PACRG: variants seen among roughly 807,000 people sequenced by gnomAD.
PACRG encodes parkin coregulated.
A neutral mutation model predicts 29.7 loss-of-function variants in PACRG; 29 were observed. The observed-to-expected ratio is 0.98, with a 90% confidence interval of 0.73 to 1.33. PACRG has a LOEUF of 1.33. Among genes scored for constraint, PACRG ranks in the 40% most tolerant of loss-of-function variants. PACRG has a pLI of 0.00. For missense variants in PACRG, 279 were observed against 316.2 expected (o/e 0.88, Z 0.89); for synonymous variants, 116 against 118.7 (o/e 0.98, Z 0.15).
intron 2 of PACRG, among the ~76,000 whole-genome samples, chr6:162,946,618 T>A (rs1328593799): frequency 6.6e-6 from 1 of 151,928 alleles, no homozygotes; most frequent in African/African-American, 2.4e-5. Flanking sequence ...AGGAGAGAAT[T>A]CTCATTAACT....
At chr6:162,901,601 G>T (rs1044750652) in intron 2 of PACRG, among the ~76,000 whole-genome samples, 16 of 152,264 alleles carry the variant, frequency 1.1e-4, no homozygotes, top group African/African-American at 3.8e-4. Context: ...ATGAGATAGA[G>T]ATCAACAACC....
At chr6:163,155,231 G>T (rs765929098) in intron 4 of PACRG, among the ~76,000 whole-genome samples, 2 of 152,172 alleles carry the variant, frequency 1.3e-5, no homozygotes, top group Admixed American at 1.3e-4. Flanking sequence ...CCAAAGATAC[G>T]TATGCTTCCT....
At chr6:162,849,760 A>G (rs2128423384) in intron 2 of PACRG, among the ~76,000 whole-genome samples, 1 of 152,348 alleles carries the variant, frequency 6.6e-6, no homozygotes, top group South Asian at 2.1e-4. Context: ...CGATTTTTGA[A>G]ATATCTAAAT....
chr6:163,174,331 A>T (rs755599976), intron 4 of PACRG, among the ~76,000 whole-genome samples: 6 of 152,270 alleles, frequency 3.9e-5, no homozygotes, highest in Non-Finnish European at 7.3e-5. Context: ...TGTGGGTTGG[A>T]CAAGCTTGCT....
intron 4 of PACRG, among the ~76,000 whole-genome samples, chr6:163,127,868 G>A (rs1816580388): frequency 6.6e-6 from 1 of 152,114 alleles, no homozygotes; most frequent in Admixed American, 6.5e-5. Context: ...AGATCCAGTG[G>A]AAATATTATA....
intron 4 of PACRG, among the ~76,000 whole-genome samples, chr6:163,302,014 C>G (rs1562367970): frequency 6.6e-6 from 1 of 152,140 alleles, no homozygotes; most frequent in Admixed American, 6.5e-5. Context: ...AGGGGAAAGC[C>G]ATCGGGTACA....
intron 4 of PACRG, among the ~76,000 whole-genome samples, chr6:163,280,851 A>G (rs1419903076): frequency 1.3e-5 from 2 of 152,168 alleles, no homozygotes; most frequent in Non-Finnish European, 1.5e-5. Context: ...CTCCAGATAC[A>G]GCCACACTGG....
intron 2 of PACRG, among the ~76,000 whole-genome samples, chr6:162,857,164 GC>G (rs1199970331): frequency 6.6e-6 from 1 of 152,150 alleles, no homozygotes. Flanking sequence ...AATAGCAAAG[GC>G]CCCCATCTTG....
chr6:163,137,824 C>T (rs1347556096), intron 4 of PACRG, among the ~76,000 whole-genome samples: 3 of 152,242 alleles, frequency 2.0e-5, no homozygotes, highest in Non-Finnish European at 4.4e-5. Flanking sequence ...CACAGCCCGG[C>T]CTGGCGCCAC....
Position 163,062,247 on chromosome 6 carries a change from G to A in PACRG, c.389G>A (p.Gly130Glu), listed in dbSNP as rs374040289. ...TFPYEFFARQ[G>E]IHDMLEHGGN... Reference sequence around the variant, plus strand: ...CCCTATGAGTTTTTTGCTCGGCAAGGAATCCACGACATGCTGGAACACGGT... The same window carrying A: ...CCCTATGAGTTTTTTGCTCGGCAAGAAATCCACGACATGCTGGAACACGGT... The change falls in exon 3 of 5, where the codon GGA (glycine) becomes GAA (glutamate). Residue 130 changes from glycine (G) to glutamate (E), a missense_variant. Gly to Glu is a moderately conservative substitution (Grantham distance 98, BLOSUM62 -2). Transcript: ENST00000366888. 1 of 1,614,098 alleles carries A rather than the reference G, an allele frequency of 6.2e-7. No homozygotes were observed. The highest frequency in any genetic ancestry group is 8.5e-7 in the Non-Finnish European group (1 of 1,180,022).
chr6:163,230,785 G>C, intron 4 of PACRG, among the ~76,000 whole-genome samples: 1 of 62,878 alleles, frequency 1.6e-5, no homozygotes, highest in East Asian at 5.4e-4. Flanking sequence ...CAGAGTTAGG[G>C]AGGGAAAAAC....
chr6:163,162,121 TG>T (rs1778580882), intron 4 of PACRG, among the ~76,000 whole-genome samples: 1 of 152,088 alleles, frequency 6.6e-6, no homozygotes, highest in African/African-American at 2.4e-5. Context: ...TGGACTCTGC[TG>T]GAGGAAAAAC....
At chr6:162,774,763 G>A (rs1007106379) in intron 1 of PACRG, among the ~76,000 whole-genome samples, 1 of 151,782 alleles carries the variant, frequency 6.6e-6, no homozygotes, top group Non-Finnish European at 1.5e-5. Context: ...TTAGTTAGTG[G>A]GAATTAATCA....
At chr6:162,803,302 A>T (rs1338840988) in intron 1 of PACRG, among the ~76,000 whole-genome samples, 1 of 152,190 alleles carries the variant, frequency 6.6e-6, no homozygotes, top group Non-Finnish European at 1.5e-5. Flanking sequence ...GATATATTTG[A>T]GACTGCCAGC....
intron 2 of PACRG, among the ~76,000 whole-genome samples, chr6:162,829,617 G>C (rs533990510): frequency 6.6e-6 from 1 of 152,134 alleles, no homozygotes; most frequent in Non-Finnish European, 1.5e-5. Flanking sequence ...TGGTGGGACC[G>C]TAAGATTATA....
intron 2 of PACRG, among the ~76,000 whole-genome samples, chr6:162,972,659 G>T (rs752628579): frequency 3.3e-5 from 5 of 152,156 alleles, no homozygotes; most frequent in Non-Finnish European, 7.3e-5. Flanking sequence ...TGAAGTGAAA[G>T]CATGAGTCTC....
rs150751237 is a variant in PACRG at position 163,031,017 on chromosome 6, A to G, written c.292-31133A>G. 1.7e-3 allele frequency among the ~76,000 whole-genome samples: 253 copies of G among 152,286 alleles called. 1 individual carries two copies. The highest frequency in any genetic ancestry group is 5.6e-3 in the African/African-American group (233 of 41,552). On this transcript the variant is annotated intron_variant, in intron 2 of 4. Coordinates refer to ENST00000366888, the MANE Select transcript of PACRG (RefSeq NM_001080379.2). ...AGCTTCTTCAAGCTGAATAGGCGCAATGATATTCCTGCCTAACTTCTAGGG... is the reference window on the plus strand; with the variant it reads ...AGCTTCTTCAAGCTGAATAGGCGCAGTGATATTCCTGCCTAACTTCTAGGG...
At chr6:162,740,088 CTT>C (rs1780461658) in intron 1 of PACRG, among the ~76,000 whole-genome samples, 1 of 152,030 alleles carries the variant, frequency 6.6e-6, no homozygotes, top group African/African-American at 2.4e-5. Context: ...CCATTAGTCT[CTT>C]TGTCTGTCTC....
At chr6:163,227,324 G>C (rs1031084252) in intron 4 of PACRG, among the ~76,000 whole-genome samples, 1 of 152,118 alleles carries the variant, frequency 6.6e-6, no homozygotes. Flanking sequence ...GACCTCACCA[G>C]TACTCACTCA....
Sources: allele counts gnomAD v4.1 joint callset (sites outside exome capture counted in the v4.1 genomes callset), GRCh38; gene constraint gnomAD v4.1.1; transcripts MANE v1.5; gene names NCBI Gene and HGNC (gene_info 2026-07-23, HGNC 2026-07-21).